Variants in WDR47 observed in about 807,000 individuals in gnomAD.
WDR47 encodes the protein WD repeat-containing protein 47.
Under a neutral mutation model 97.2 loss-of-function variants are expected in WDR47, and 32 were observed. The ratio of observed to expected loss-of-function variants is 0.33; its 90% CI spans 0.25 to 0.44. WDR47 has a LOEUF of 0.44. WDR47 is among the 20% of genes least tolerant of loss of function. The probability of loss-of-function intolerance (pLI) is 1.00; values close to 1 mark genes in which losing one functional copy is unlikely to be tolerated. For missense variants in WDR47, 782 were observed against 1,102.3 expected (o/e 0.71, Z 4.11); for synonymous variants, 375 against 373.5 (o/e 1.00, Z -0.05).
At chr1:108,977,286 G>A (rs1657984666) in intron 13 of WDR47, among the ~76,000 whole-genome samples, 1 of 151,940 alleles carries the variant, frequency 6.6e-6, no homozygotes, top group African/African-American at 2.4e-5. Context: ...CCAGTAGCTG[G>A]GATTACAGGC....
At position 109,041,885 on chromosome 1, in the gene WDR47, G is replaced by A. The variant is rs1302638970; in HGVS notation, c.-33C>T. The A allele has an allele frequency of 2.6e-5, 4 of 152,400 alleles. No homozygotes were observed. In the East Asian group the frequency reaches 7.7e-4, roughly 29 times the overall value. The allele number at this position is 152,400 out of a possible 1,614,324, so 9.4% of individuals were successfully genotyped here. A position where few individuals can be genotyped will look rare whatever the true frequency, so the allele number is the denominator to read the frequency against. ...ACCTGAGGGCTCCAGGGCAAGCCCG[G>A]AGGAGCGGCGGAGGAGAACGCGGCT... On this transcript the variant is annotated 5_prime_UTR_variant, in exon 1 of 15. Coordinates refer to ENST00000369962, the MANE Select transcript of WDR47 (RefSeq NM_001142551.2).
At chr1:108,977,771 T>C (rs141764312) in intron 13 of WDR47, among the ~76,000 whole-genome samples, 1 of 152,002 alleles carries the variant, frequency 6.6e-6, no homozygotes, top group Admixed American at 6.5e-5. Context: ...GAGGTTGCAG[T>C]GAGCTGAGAT....
chr1:108,982,805 A>G, intron 11 of WDR47, 26 bp from the exon 12 acceptor site: 4 of 1,582,822 alleles, frequency 2.5e-6, no homozygotes, highest in Non-Finnish European at 3.4e-6. Context: ...GAATTAAAAA[A>G]AAAAAATGCT....
rs778118289 is a variant in WDR47, at chr1:108,981,798, A to G, written c.2333T>C (p.Val778Ala). The G allele has an allele frequency of 6.2e-6, 10 of 1,614,090 alleles. No individual in the cohort carries two copies. The East Asian group carries it at 2.0e-4, about 32-fold the overall frequency. ...MIASGSQDKTVRFWDLRVPSC... is the reference protein window; with the variant it reads ...MIASGSQDKTARFWDLRVPSC... ...TGGTACTCGAAGATCCCAAAATCTA[A>G]CAGTCTTATCTTGGGAACCAGATGC... is the stretch of plus-strand genomic sequence containing the variant. The change falls in exon 13 of 15, where the codon GTT (valine) becomes GCT (alanine). Residue 778 changes from valine (V) to alanine (A), a missense_variant. Coordinates refer to ENST00000369962, the MANE Select transcript of WDR47 (RefSeq NM_001142551.2).
At chr1:109,021,512 A>T (rs1014877086) in intron 2 of WDR47, among the ~76,000 whole-genome samples, 5 of 137,982 alleles carry the variant, frequency 3.6e-5, no homozygotes, top group Non-Finnish European at 7.7e-5. Flanking sequence ...TAGGTGACAA[A>T]GCAAGCCTCT....
chr1:109,040,927 GAAAT>G (rs1372584509), intron 1 of WDR47, among the ~76,000 whole-genome samples: 1 of 151,196 alleles, frequency 6.6e-6, no homozygotes, highest in Non-Finnish European at 1.5e-5. Flanking sequence ...AACAAAGAGA[GAAAT>G]AAGTATTAGG....
chr1:109,032,796 C>T (rs1662691137), intron 1 of WDR47, among the ~76,000 whole-genome samples: 1 of 151,840 alleles, frequency 6.6e-6, no homozygotes. Context: ...ATTCAGGAGG[C>T]TGAGGCAGGA....
chr1:109,038,172 C>G (rs377341572), intron 1 of WDR47, among the ~76,000 whole-genome samples: 1 of 152,108 alleles, frequency 6.6e-6, no homozygotes, highest in East Asian at 1.9e-4. Context: ...AGGATGTTGA[C>G]TTGTAAAATG....
chr1:109,013,898 C>T lies in WDR47; in HGVS notation c.270G>A (p.Lys90=), dbSNP rs200850819. ...KRFRYIILKQ[K]FLEALCVNNA... ...TGTTAACACATAAAGCTTCTAAAAA[C>T]TTCTGCTTCAGGATAATATAACGAA... The change falls in exon 4 of 15, where the codon AAG becomes AAA. Residue 90 remains lysine (K), a synonymous_variant. Transcript: ENST00000369962. 2.5e-6 allele frequency: 4 copies of T among 1,612,742 alleles called. No homozygotes were observed. The highest frequency in any genetic ancestry group is 3.4e-6 in the Non-Finnish European group (4 of 1,179,796).
chr1:109,032,712 C>T (rs866717507), intron 1 of WDR47, among the ~76,000 whole-genome samples: 50 of 148,826 alleles, frequency 3.4e-4, no homozygotes, highest in African/African-American at 1.1e-3. Context: ...GCCTGGCCAA[C>T]GTGGCAAAAC....
intron 1 of WDR47, among the ~76,000 whole-genome samples, chr1:109,028,382 T>TTTTTTTC (rs1662373328): frequency 6.8e-6 from 1 of 146,298 alleles, no homozygotes; most frequent in East Asian, 2.0e-4. Context: ...TTTTTTTTTT[T>TTTTTTTC]TTGTAGAGAT....
chr1:108,977,710 G>A (rs1447238286), intron 13 of WDR47, among the ~76,000 whole-genome samples: 1 of 152,088 alleles, frequency 6.6e-6, no homozygotes, highest in Non-Finnish European at 1.5e-5. Flanking sequence ...AAATGAGCTG[G>A]GCGTGGTGGT....
At chr1:109,004,172 G>A (rs1660410270) in intron 6 of WDR47, among the ~76,000 whole-genome samples, 1 of 152,002 alleles carries the variant, frequency 6.6e-6, no homozygotes, top group South Asian at 2.1e-4. Flanking sequence ...GGCTGAGGCA[G>A]GAGAGTGGCA....
intron 1 of WDR47, among the ~76,000 whole-genome samples, chr1:109,030,545 T>C (rs966414428): frequency 1.3e-5 from 2 of 152,004 alleles, no homozygotes; most frequent in Non-Finnish European, 2.9e-5. Context: ...ATGACAAAAG[T>C]GCTTAATAAA....
intron 7 of WDR47, among the ~76,000 whole-genome samples, chr1:108,998,392 A>T (rs1659917170): frequency 1.3e-5 from 2 of 152,110 alleles, no homozygotes; most frequent in Middle Eastern, 3.4e-3. Flanking sequence ...GGTCCCCGCT[A>T]CCTGGGAGGC....
At chr1:108,985,976 C>CA (rs35165386) in intron 10 of WDR47, among the ~76,000 whole-genome samples, 10,656 of 95,984 alleles carry the variant, frequency 0.11, 479 homozygotes, top group Middle Eastern at 0.23. Context: ...ATAGAGATAG[C>CA]AAAAAAAAAA....
At chr1:108,992,819 C>T in intron 8 of WDR47, 3 of 1,560,888 alleles carry the variant, frequency 1.9e-6, no homozygotes, top group Admixed American at 3.3e-5. Context: ...GAAACAAAAA[C>T]TTATGGCACG....
At chr1:108,992,487 G>C in intron 8 of WDR47, 1 of 1,523,432 alleles carries the variant, frequency 6.6e-7, no homozygotes, top group Non-Finnish European at 9.1e-7. Context: ...GGAGTTGGCA[G>C]GTGTGCGCAG....
At chr1:108,992,684 CG>C (rs1557927991) in intron 8 of WDR47, 1 of 1,521,602 alleles carries the variant, frequency 6.6e-7, no homozygotes, top group East Asian at 2.2e-5. Context: ...AGCTCATGGT[CG>C]GATTAACCCA....
Sources: allele counts gnomAD v4.1 joint callset (sites outside exome capture counted in the v4.1 genomes callset), GRCh38; gene constraint gnomAD v4.1.1; transcripts MANE v1.5; gene names NCBI Gene and HGNC (gene_info 2026-07-23, HGNC 2026-07-21).